The following STAB1 variants were observed in gnomAD, a reference collection of about 807,000 sequenced individuals.
The protein encoded by STAB1 is stabilin 1, also known as stabilin-1.
In STAB1, 250 loss-of-function variants were observed where a neutral mutation model predicts 332.4. That is an observed-to-expected ratio of 0.75 (90% CI 0.68 to 0.84). The LOEUF is 0.84. Among genes scored for constraint, STAB1 ranks in the 40% least tolerant of loss-of-function variants. STAB1 has a pLI of 0.00. For missense variants in STAB1, 3,249 were observed against 3,489.7 expected, an observed-to-expected ratio of 0.93 and a Z score of 1.74; for synonymous variants, 1,475 against 1,390.4, an observed-to-expected ratio of 1.06 and a Z score of -1.35.
At chr3:52,504,300 G>T in intron 10 of STAB1, 145 bp downstream of exon 10, 4 of 1,432,978 alleles carry the variant, frequency 2.8e-6, no homozygotes, top group Non-Finnish European at 3.8e-6. Flanking sequence ...GCATGCAGGG[G>T]GTGGGAGCTG....
chr3:52,507,915 G>T lies in STAB1; in HGVS notation c.2053-16G>T, dbSNP rs1266304700. On this transcript the variant is annotated splice_polypyrimidine_tract_variant and intron_variant, in intron 19 of 68. Transcript: ENST00000321725. The stretch of plus-strand genomic sequence containing the variant: ...GAACCCACACCCACTGACTGGCTTT[G>T]CATGGCCCACCCTAGGACATCTTCC... 1 of 1,610,548 alleles carries T rather than the reference G, an allele frequency of 6.2e-7. No individual in the cohort carries two copies. Among genetic ancestry groups the T allele is most frequent in the Non-Finnish European group, 8.5e-7 (1 of 1,177,942 alleles).
chr3:52,516,636 G>C (rs891095605), intron 40 of STAB1, 49 bp downstream of exon 40: 2 of 1,612,474 alleles, frequency 1.2e-6, no homozygotes, highest in Non-Finnish European at 1.7e-6. Flanking sequence ...GGGAGCCTGG[G>C]GGTCAAGGCA....
intron 26 of STAB1, 145 bp from the exon 27 acceptor site, chr3:52,512,196 G>C: frequency 1.3e-6 from 1 of 786,378 alleles, no homozygotes; most frequent in South Asian, 1.4e-5. Context: ...GCACACCGAA[G>C]GAGTGCCACC....
At chr3:52,505,570 TG>T in intron 14 of STAB1, 97 bp from the exon 15 acceptor site, 1 of 1,293,728 alleles carries the variant, frequency 7.7e-7, no homozygotes, top group South Asian at 1.4e-5. Context: ...CCTTACTCAG[TG>T]GGAGTTTCCT....
intron 24 of STAB1, 47 bp downstream of exon 24, chr3:52,510,282 G>A: frequency 6.2e-7 from 1 of 1,614,004 alleles, no homozygotes; most frequent in East Asian, 2.2e-5. Flanking sequence ...AGAGGCAGGA[G>A]GTGGGATGCC....
intron 2 of STAB1, 25 bp from the exon 3 acceptor site, chr3:52,501,613 C>T (rs1208564516): frequency 5.2e-6 from 8 of 1,542,304 alleles, no homozygotes; most frequent in African/African-American, 1.4e-5. Flanking sequence ...CCTTTTCCAT[C>T]ACCCTGCCCA....
rs1459756825 is a variant in STAB1, at chr3:52,505,265, G to A, written c.1519-54G>A. 14 of 1,610,688 alleles carry A rather than the reference G, an allele frequency of 8.7e-6. No individual in the cohort carries two copies. The East Asian group carries it at 2.0e-4, about 23-fold the overall frequency. ...CTGGAGCGCAGCTTCTCCCCGCTGG[G>A]CTGAAGCAGCCTCACCCCTTCCCTG... On this transcript the variant is annotated intron_variant, in intron 13 of 68. Coordinates refer to ENST00000321725, the MANE Select transcript of STAB1 (RefSeq NM_015136.3).
Position 52,522,494 on chromosome 3 carries a change from C to G in STAB1, c.6610+20C>G. On this transcript the variant is annotated intron_variant, in intron 60 of 68. Transcript: ENST00000321725. ...TCCAGGGTGTGTCCCCCTGCCCACT[C>G]CCAGTACCCATTTCATTCCTCAGAG... is the stretch of plus-strand genomic sequence containing the variant. The G allele has an allele frequency of 1.9e-6, 3 of 1,613,112 alleles. No individual in the cohort carries two copies. Among genetic ancestry groups the G allele is most frequent in the Non-Finnish European group, 2.5e-6 (3 of 1,179,982 alleles).
rs2079194744 is a variant in STAB1 at position 52,524,289 on chromosome 3, T to G, written c.7657-11T>G. Reference sequence around the variant, plus strand: ...TGGTCACACCCTCCACCACCAACCCTGCTCTTCTAGGACTCACTGCTGGAG... The same window carrying G: ...TGGTCACACCCTCCACCACCAACCCGGCTCTTCTAGGACTCACTGCTGGAG... On this transcript the variant is annotated splice_polypyrimidine_tract_variant and intron_variant, in intron 68 of 68. Coordinates refer to ENST00000321725, the MANE Select transcript of STAB1 (RefSeq NM_015136.3). 1 of 1,613,874 alleles carries G rather than the reference T, an allele frequency of 6.2e-7. No individual in the cohort carries two copies. Among genetic ancestry groups the G allele is most frequent in the Admixed American group, 1.7e-5 (1 of 60,026 alleles).
At chr3:52,503,561 G>A (rs199587513) in intron 8 of STAB1, 21 bp downstream of exon 8, 222 of 1,609,996 alleles carry the variant, frequency 1.4e-4, no homozygotes, top group Non-Finnish European at 1.7e-4. Flanking sequence ...GTCCCAGGCC[G>A]GAACTGTCCC....
intron 45 of STAB1, 135 bp downstream of exon 45, chr3:52,518,138 C>T: frequency 1.3e-6 from 2 of 1,493,540 alleles, no homozygotes; most frequent in Non-Finnish European, 1.8e-6. Flanking sequence ...CCTGATTGTA[C>T]CTGGGCCTGA....
chr3:52,506,404 T>C (rs1318808913), intron 17 of STAB1, among the ~76,000 whole-genome samples, 154 bp downstream of exon 17: 3 of 152,178 alleles, frequency 2.0e-5, no homozygotes, highest in Non-Finnish European at 4.4e-5. Context: ...GAGATCAAAT[T>C]CCTCTGCTGG....
intron 10 of STAB1, 43 bp from the exon 11 acceptor site, chr3:52,504,418 T>C: frequency 6.3e-7 from 1 of 1,598,714 alleles, no homozygotes; most frequent in Non-Finnish European, 8.6e-7. Flanking sequence ...ATCCCCAGAG[T>C]CTCCCCAGCT....
At position 52,514,822 on chromosome 3, in the gene STAB1, C is replaced by T; in HGVS notation, c.3800C>T (p.Ala1267Val). 4 of 1,612,874 alleles carry T rather than the reference C, an allele frequency of 2.5e-6. No homozygotes were observed. Among genetic ancestry groups the T allele is most frequent in the Non-Finnish European group, 3.4e-6 (4 of 1,179,982 alleles). ...SSRCLHSHAE[A>V]LREKCVNCTR... is the part of the protein sequence containing the mutation. ...CGCTGCCTGCATAGCCACGCTGAGGCCCTGCGGGTGAGAGGCTGGGGCCAC... is the reference window on the plus strand; with the variant it reads ...CGCTGCCTGCATAGCCACGCTGAGGTCCTGCGGGTGAGAGGCTGGGGCCAC... The change falls in exon 35 of 69, where the codon GCC becomes GTC. Residue 1267 changes from alanine to valine, a missense_variant. By Grantham distance (64) the Ala-to-Val change is moderately conservative. Transcript: ENST00000321725.
intron 46 of STAB1, 43 bp downstream of exon 46, chr3:52,518,402 C>T: frequency 6.2e-7 from 1 of 1,602,106 alleles, no homozygotes; most frequent in East Asian, 2.2e-5. Flanking sequence ...AAGTCCCACC[C>T]CTCTCTGGAC....
Position 52,512,880 on chromosome 3 carries a change from C to A in STAB1, c.3080C>A (p.Ser1027Tyr). 6.2e-7 allele frequency: 1 copy of A among 1,611,868 alleles called. No homozygotes were observed. The change falls in exon 29 of 69, where the codon TCC becomes TAC. Residue 1027 changes from serine to tyrosine, a missense_variant. Transcript: ENST00000321725. ...ADRRVTALVP[S>Y]EAAVRQLSPE... is the part of the protein sequence containing the mutation. ...CGCCGAGTCACAGCCCTGGTGCCCT[C>A]CGAGGCTGCAGTCCGTCAGCTGAGC...
In STAB1 at chr3:52,520,226, A is replaced by C. The variant is rs1453328957; in HGVS notation, c.5435A>C (p.Asn1812Thr). 6.2e-7 allele frequency: 1 copy of C among 1,612,994 alleles called. No homozygotes were observed. Among genetic ancestry groups the C allele is most frequent in the African/African-American group, 1.3e-5 (1 of 74,942 alleles). ...NVEALASDLP[N>T]LGPLRTMHGT... ...CAGGCCTTGGCATCTGACCTGCCCA[A>C]CCTGGGCCCACTTCGAACCATGCAT... The change falls in exon 52 of 69, where the codon AAC becomes ACC. Residue 1812 changes from asparagine to threonine, a missense_variant. Asn to Thr is a moderately conservative substitution (Grantham distance 65, BLOSUM62 0). Coordinates refer to ENST00000321725, the MANE Select transcript of STAB1 (RefSeq NM_015136.3).
chr3:52,504,316 C>G, intron 10 of STAB1, 145 bp from the exon 11 acceptor site: 1 of 1,372,822 alleles, frequency 7.3e-7, no homozygotes, highest in South Asian at 1.3e-5. Flanking sequence ...AGCTGCTCTC[C>G]AACCTCAAGG....
At position 52,523,018 on chromosome 3, in the gene STAB1, C is replaced by T; in HGVS notation, c.6911-7C>T. ...TCTGCTGAGCCACTGACCTGCTTTT[C>T]CTGCAGATGTGGCCTGCCGATGCCG... On this transcript the variant is annotated splice_region_variant and splice_polypyrimidine_tract_variant and intron_variant, in intron 62 of 68. Coordinates refer to ENST00000321725, the MANE Select transcript of STAB1 (RefSeq NM_015136.3). 1 of 1,583,010 alleles carries T rather than the reference C, an allele frequency of 6.3e-7. No individual in the cohort carries two copies.
Sources: allele counts gnomAD v4.1 joint callset (sites outside exome capture counted in the v4.1 genomes callset), GRCh38; gene constraint gnomAD v4.1.1; transcripts MANE v1.5; gene names NCBI Gene and HGNC (gene_info 2026-07-23, HGNC 2026-07-21).